Variants in AGO3 observed in about 807,000 individuals in gnomAD.
AGO3 encodes protein argonaute-3.
AGO3 carries 16 observed loss-of-function variants against 105.5 expected under a neutral mutation model. That is an observed-to-expected ratio of 0.15 (90% CI 0.10 to 0.23). The LOEUF is 0.23. Among genes scored for constraint, AGO3 ranks in the 10% least tolerant of loss-of-function variants. AGO3 has a pLI of 1.00. For missense variants in AGO3, 534 were observed against 1,088.0 expected (o/e 0.49, Z 7.16); for synonymous variants, 340 against 367.3 (o/e 0.93, Z 0.85).
chr1:35,987,566 A>G (rs1427230829), intron 5 of AGO3, among the ~76,000 whole-genome samples: 2 of 152,176 alleles, frequency 1.3e-5, no homozygotes, highest in East Asian at 3.9e-4. Flanking sequence ...ACATACAAAT[A>G]AAGTAAAATT....
At chr1:35,989,717 A>T (rs543078699) in intron 5 of AGO3, among the ~76,000 whole-genome samples, 13 of 152,228 alleles carry the variant, frequency 8.5e-5, no homozygotes, top group African/African-American at 3.1e-4. Context: ...TCTACAAAAA[A>T]TATAAAAATT....
At position 36,057,467 on chromosome 1, in the gene AGO3, A is replaced by G. The variant is rs1199454438; in HGVS notation, c.*1722A>G. ...TAGAATTGTATTGGCAGCATCTTTT[A>G]TAGAAATATAATCATGTTTATTTTA... On this transcript the variant is annotated 3_prime_UTR_variant, in exon 19 of 19. Transcript: ENST00000373191. 4.6e-5 allele frequency: 7 copies of G among 152,062 alleles called. No individual in the cohort carries two copies. Among genetic ancestry groups the G allele is most frequent in the Non-Finnish European group, 1.0e-4 (7 of 68,018 alleles). The allele number at this position is 152,062 out of a possible 1,614,324, so 9.4% of individuals were successfully genotyped here.
chr1:35,969,331 G>A (rs909452218), intron 3 of AGO3, among the ~76,000 whole-genome samples: 17 of 151,960 alleles, frequency 1.1e-4, no homozygotes, highest in African/African-American at 2.9e-4. Context: ...TGTTGTGTCC[G>A]TTGATACACA....
chr1:35,980,583 C>G (rs529982401), intron 5 of AGO3, among the ~76,000 whole-genome samples: 33 of 152,286 alleles, frequency 2.2e-4, no homozygotes, highest in Middle Eastern at 3.4e-3. Flanking sequence ...TATCTGTAGC[C>G]TTATTCCTGA....
chr1:35,933,747 A>T (rs985685416), intron 1 of AGO3, among the ~76,000 whole-genome samples: 2 of 150,804 alleles, frequency 1.3e-5, no homozygotes, highest in Non-Finnish European at 3.0e-5. Context: ...CTCAGTATTG[A>T]ATCTTGGCTT....
chr1:35,980,183 A>T (rs1647027765), intron 5 of AGO3, among the ~76,000 whole-genome samples: 1 of 151,856 alleles, frequency 6.6e-6, no homozygotes, highest in African/African-American at 2.4e-5. Context: ...CATTAGCTTT[A>T]TTCTCTTCCC....
chr1:35,948,189 G>A (rs983836214), intron 2 of AGO3, among the ~76,000 whole-genome samples: 1 of 151,236 alleles, frequency 6.6e-6, no homozygotes, highest in African/African-American at 2.4e-5. Context: ...TGATATGGTG[G>A]CAAAAATATT....
chr1:35,958,280 C>G (rs1034612975), intron 2 of AGO3, among the ~76,000 whole-genome samples: 4 of 151,852 alleles, frequency 2.6e-5, no homozygotes, highest in Admixed American at 1.3e-4. Context: ...ACCCAGGAGG[C>G]TGAGTCTGAA....
intron 14 of AGO3, among the ~76,000 whole-genome samples, chr1:36,037,534 A>G (rs1457719852): frequency 6.6e-6 from 1 of 152,188 alleles, no homozygotes; most frequent in African/African-American, 2.4e-5. Flanking sequence ...ACAAAAAAAA[A>G]GATTTAATAT....
chr1:35,933,021 G>GTA (rs1242280038), intron 1 of AGO3, among the ~76,000 whole-genome samples: 1 of 152,122 alleles, frequency 6.6e-6, no homozygotes, highest in East Asian at 1.9e-4. Flanking sequence ...TAGTCAACTG[G>GTA]TACAACTAAG....
intron 11 of AGO3, among the ~76,000 whole-genome samples, chr1:36,025,892 G>A (rs970077929): frequency 1.3e-5 from 2 of 152,022 alleles, no homozygotes; most frequent in Non-Finnish European, 2.9e-5. Flanking sequence ...ACAAAAATTA[G>A]CCAGGCGCGG....
chr1:36,006,143 A>C (rs576976036), intron 6 of AGO3, among the ~76,000 whole-genome samples: 15 of 151,628 alleles, frequency 9.9e-5, no homozygotes, highest in African/African-American at 3.4e-4. Flanking sequence ...TTTAAAGTAC[A>C]TCATGTATTC....
At chr1:35,947,189 G>A (rs1321840044) in intron 2 of AGO3, among the ~76,000 whole-genome samples, 1 of 151,992 alleles carries the variant, frequency 6.6e-6, no homozygotes, top group Non-Finnish European at 1.5e-5. Flanking sequence ...TATTGAGTCT[G>A]AACCAGGCTT....
At chr1:36,004,496 C>A in intron 6 of AGO3, 21 bp downstream of exon 6, 1 of 1,557,938 alleles carries the variant, frequency 6.4e-7, no homozygotes, top group Non-Finnish European at 8.7e-7. Context: ...TAGCATTTAG[C>A]ACAACTTAAC....
chr1:35,937,552 A>C (rs1480754450), intron 1 of AGO3, among the ~76,000 whole-genome samples: 1 of 143,844 alleles, frequency 7.0e-6, no homozygotes, highest in Non-Finnish European at 1.5e-5. Context: ...TTAGCTGGGC[A>C]TGGTGGCGTA....
At chr1:35,989,797 C>G (rs1197444524) in intron 5 of AGO3, among the ~76,000 whole-genome samples, 2 of 151,918 alleles carry the variant, frequency 1.3e-5, no homozygotes, top group African/African-American at 4.8e-5. Flanking sequence ...ATCACTTGAG[C>G]CGGGAGGTGG....
At position 36,064,642 on chromosome 1, in the gene AGO3, AATTTT is replaced by A. The variant is rs1476481000; in HGVS notation, c.*8903_*8907del. ...AGTGTCAGGTAATTATAAATGGGAA[AATTTT>A]ATTTTTATATGATGTAAAGTTTTAC... On this transcript the variant is annotated 3_prime_UTR_variant, in exon 19 of 19. Coordinates refer to ENST00000373191, the MANE Select transcript of AGO3 (RefSeq NM_024852.4). 2 of 152,126 alleles carry A rather than the reference AATTTT, an allele frequency of 1.3e-5. No homozygotes were observed. Among genetic ancestry groups the A allele is most frequent in the African/African-American group, 2.4e-5 (1 of 41,408 alleles). The allele number at this position is 152,126 out of a possible 1,614,324, so 9.4% of individuals were successfully genotyped here. A position where few individuals can be genotyped will look rare whatever the true frequency, so the allele number is the denominator to read the frequency against.
Position 36,072,435 on chromosome 1 carries a change from T to A in AGO3, c.*16690T>A, listed in dbSNP as rs1355117616. The A allele has an allele frequency of 6.6e-6, 1 of 152,236 alleles. No individual in the cohort carries two copies. Among genetic ancestry groups the A allele is most frequent in the Non-Finnish European group, 1.5e-5 (1 of 68,044 alleles). 9.4% of individuals were successfully genotyped at this position (152,236 alleles called of 1,614,324 possible). A position where few individuals can be genotyped will look rare whatever the true frequency, so the allele number is the denominator to read the frequency against. On this transcript the variant is annotated 3_prime_UTR_variant, in exon 19 of 19. Transcript: ENST00000373191. ...AAAATATTAATGGTTTTAGTGTTGC[T>A]TAGCTTCAGTTTGAAGTATAACTTT...
intron 17 of AGO3, among the ~76,000 whole-genome samples, chr1:36,046,671 C>CAAATTGAAGG (rs1642487438): frequency 3.7e-5 from 5 of 136,540 alleles, no homozygotes; most frequent in Non-Finnish European, 7.8e-5. Context: ...CATACCTCTC[C>CAAATTGAAGG]AGTGCCTAAA....
Sources: allele counts gnomAD v4.1 joint callset (sites outside exome capture counted in the v4.1 genomes callset), GRCh38; gene constraint gnomAD v4.1.1; transcripts MANE v1.5; gene names NCBI Gene and HGNC (gene_info 2026-07-23, HGNC 2026-07-21).